ITGA1: variants seen among roughly 807,000 people sequenced by gnomAD.
ITGA1 encodes integrin alpha-1.
Under a neutral mutation model 145.9 loss-of-function variants are expected in ITGA1, and 85 were observed. The observed-to-expected ratio is 0.58, with a 90% CI of 0.49 to 0.70. The LOEUF is 0.70. Ranked by LOEUF, ITGA1 falls within the 30% of genes least tolerant of loss-of-function variation. The probability of loss-of-function intolerance (pLI) is 0.00; values close to 1 mark genes in which losing one functional copy is unlikely to be tolerated. For missense variants in ITGA1, 1,351 were observed against 1,418.7 expected (o/e 0.95, Z 0.77); for synonymous variants, 520 against 495.3 (o/e 1.05, Z -0.66).
rs1027221051 is a variant in ITGA1 at position 52,926,535 on chromosome 5, G to A, written c.2613+1048G>A. 4.6e-4 allele frequency among the ~76,000 whole-genome samples: 70 copies of A among 152,220 alleles called. No homozygotes were observed. The Middle Eastern group carries it at 0.014, about 30-fold the overall frequency. ...GAGAATCACTTGAACCCGGGAGGTG[G>A]AGGTTGCAGTGAGCCGAGATTGCAC... On this transcript the variant is annotated intron_variant, in intron 19 of 28. Coordinates refer to ENST00000282588, the MANE Select transcript of ITGA1 (RefSeq NM_181501.2).
intron 9 of ITGA1, among the ~76,000 whole-genome samples, chr5:52,895,807 A>G (rs537564877): frequency 2.0e-5 from 3 of 152,338 alleles, no homozygotes; most frequent in South Asian, 2.1e-4. Flanking sequence ...AATGTCTTCT[A>G]TATCATCTTT....
intron 6 of ITGA1, among the ~76,000 whole-genome samples, chr5:52,874,725 TA>T (rs931046442): frequency 2.6e-5 from 4 of 151,904 alleles, no homozygotes; most frequent in African/African-American, 7.3e-5. Context: ...TCAAGAGCAA[TA>T]AAAAAAATCA....
At chr5:52,829,842 T>C (rs1191954624) in intron 1 of ITGA1, among the ~76,000 whole-genome samples, 1 of 152,136 alleles carries the variant, frequency 6.6e-6, no homozygotes, top group Non-Finnish European at 1.5e-5. Context: ...ATCAATAATA[T>C]TGGTATTTGG....
rs151187156 is a variant in ITGA1 at position 52,813,493 on chromosome 5, T to C, written c.61+25079T>C. The stretch of plus-strand genomic sequence containing the variant: ...TAATACAAGAAATGAAGAAATTTTC[T>C]GGAAGAAGGCAAAGAGGCTCAGATA... On this transcript the variant is annotated intron_variant, in intron 1 of 28. Transcript: ENST00000282588. Among the ~76,000 whole-genome samples the C allele has an allele frequency of 2.1e-3, 325 of 152,316 alleles. 3 individuals are homozygous for C. Among genetic ancestry groups the C allele is most frequent in the African/African-American group, 7.2e-3 (301 of 41,564 alleles).
At chr5:52,798,436 C>A (rs1238688915) in intron 1 of ITGA1, among the ~76,000 whole-genome samples, 1 of 152,114 alleles carries the variant, frequency 6.6e-6, no homozygotes, top group East Asian at 1.9e-4. Flanking sequence ...AATTGTGAAG[C>A]CTGTCAGTTG....
chr5:52,858,007 TA>T (rs1334495501), intron 2 of ITGA1, among the ~76,000 whole-genome samples: 1 of 152,196 alleles, frequency 6.6e-6, no homozygotes, highest in Non-Finnish European at 1.5e-5. Context: ...AAACCCGAAC[TA>T]AGACAGCTTA....
At position 52,898,409 on chromosome 5, in the gene ITGA1, G is replaced by T. The variant is rs202122639; in HGVS notation, c.1309+26G>T. ...GTAAGGTTTGGATATAATTATAAAA[G>T]AGTTGTTTTACTTTTCCATTTTTTA... On this transcript the variant is annotated intron_variant, in intron 11 of 28. Transcript: ENST00000282588. 3.7e-5 allele frequency: 58 copies of T among 1,555,498 alleles called. No individual in the cohort carries two copies. In the African/African-American group the frequency reaches 7.5e-4, roughly 20 times the overall value.
At chr5:52,790,420 A>G (rs1376924209) in intron 1 of ITGA1, among the ~76,000 whole-genome samples, 2 of 152,306 alleles carry the variant, frequency 1.3e-5, no homozygotes, top group East Asian at 3.9e-4. Context: ...TAAATTTACT[A>G]TTGTACAGTT....
At chr5:52,804,512 C>T (rs1323412863) in intron 1 of ITGA1, among the ~76,000 whole-genome samples, 1 of 152,150 alleles carries the variant, frequency 6.6e-6, no homozygotes. Flanking sequence ...CTCCCAGATG[C>T]CACTAGAGTA....
chr5:52,862,049 C>T (rs754835189), intron 3 of ITGA1, among the ~76,000 whole-genome samples: 8 of 151,584 alleles, frequency 5.3e-5, no homozygotes, highest in Non-Finnish European at 8.8e-5. Context: ...GAAACCCTGC[C>T]TCTACTAAAA....
In ITGA1 at chr5:52,929,663, T is replaced by A. The variant is rs1217484280; in HGVS notation, c.2733T>A (p.Tyr911Ter). 1 of 1,592,516 alleles carries A rather than the reference T, an allele frequency of 6.3e-7. No homozygotes were observed. The highest frequency in any genetic ancestry group is 1.7e-5 in the Admixed American group (1 of 58,824). ...FKILFQFNTS[Y>*]LMENVTIYLS... ...TATTGTTTCAGTTTAACACATCCTA[T>A]CTCATGGAAAATGTGACCATTTATT... The change falls in exon 21 of 29, where the codon TAT becomes TAA. Residue 911 changes from tyrosine (Y) to a stop codon, truncating the protein, a stop_gained. Coordinates refer to ENST00000282588, the MANE Select transcript of ITGA1 (RefSeq NM_181501.2). LOFTEE classifies it high-confidence loss of function.
rs1319601042 is a variant in ITGA1, at chr5:52,939,850, C to T, written c.3191C>T (p.Thr1064Ile). 1 of 1,602,982 alleles carries T rather than the reference C, an allele frequency of 6.2e-7. No individual in the cohort carries two copies. The highest frequency in any genetic ancestry group is 1.3e-5 in the African/African-American group (1 of 74,672). The change falls in exon 26 of 29, where the codon ACA becomes ATA. Residue 1064 changes from threonine to isoleucine, a missense_variant. Transcript: ENST00000282588. ...TGGACATTTAAACAGGACTGCAATA[C>T]ATGTAAATTTGCTACCATCACATGT... ...LKRGTILDCN[T>I]CKFATITCNL... is the part of the protein sequence containing the mutation.
At chr5:52,809,068 G>A (rs1303258656) in intron 1 of ITGA1, among the ~76,000 whole-genome samples, 1 of 152,176 alleles carries the variant, frequency 6.6e-6, no homozygotes, top group African/African-American at 2.4e-5. Flanking sequence ...CAGCATTGCT[G>A]AGACTCAAAC....
chr5:52,802,931 A>ATCTTATTTT (rs1389988840), intron 1 of ITGA1: 1 of 152,212 alleles, frequency 6.6e-6, no homozygotes, highest in African/African-American at 2.4e-5. Context: ...TGAGTTTAAA[A>ATCTTATTTT]TATTATTTTT....
In ITGA1 at chr5:52,939,596, A is replaced by G. The variant is rs186918043; in HGVS notation, c.3085A>G (p.Asn1029Asp). 8.7e-6 allele frequency: 14 copies of G among 1,604,994 alleles called. No homozygotes were observed. In the Admixed American group the frequency reaches 1.7e-4, roughly 19 times the overall value. Residue 1029 changes from asparagine to aspartate, a missense_variant, in exon 25 of 29, where the codon AAC (asparagine) becomes GAC (aspartate). Physicochemically the swap from Asn to Asp is conservative, Grantham distance 23. Coordinates refer to ENST00000282588, the MANE Select transcript of ITGA1 (RefSeq NM_181501.2). ...PTGLSSSENA[N>D]CRPHIFEDPF... is the part of the protein sequence containing the mutation. ...GTAATATTTTCATTTCTAGAATGCA[A>G]ACTGCAGACCCCATATCTTTGAGGA... is the stretch of plus-strand genomic sequence containing the variant.
At chr5:52,889,095 T>C in intron 8 of ITGA1, among the ~76,000 whole-genome samples, 1 of 105,298 alleles carries the variant, frequency 9.5e-6, no homozygotes, top group South Asian at 4.0e-4. Context: ...GTTGCTGCTC[T>C]AAACTACTAT....
At chr5:52,800,682 G>A (rs1748456256) in intron 1 of ITGA1, 1 of 1,614,044 alleles carries the variant, frequency 6.2e-7, no homozygotes, top group Non-Finnish European at 8.5e-7. Context: ...ATGTCAAGAT[G>A]GGGGCTTACC....
intron 2 of ITGA1, among the ~76,000 whole-genome samples, chr5:52,860,892 C>G (rs1424765208): frequency 2.6e-5 from 4 of 152,158 alleles, no homozygotes; most frequent in Non-Finnish European, 5.9e-5. Flanking sequence ...CATAAACTAT[C>G]CTTATTTTCT....
rs1579734480 is a variant in ITGA1 at position 52,944,831 on chromosome 5, A to G, written c.3286-112A>G. 8.4e-6 allele frequency: 6 copies of G among 718,044 alleles called. No individual in the cohort carries two copies. The East Asian group carries it at 1.5e-4, about 18-fold the overall frequency. 44.5% of individuals were successfully genotyped at this position (718,044 alleles called of 1,614,324 possible). A position where few individuals can be genotyped will look rare whatever the true frequency, so the allele number is the denominator to read the frequency against. On this transcript the variant is annotated intron_variant, in intron 26 of 28. Coordinates refer to ENST00000282588, the MANE Select transcript of ITGA1 (RefSeq NM_181501.2). ...CCATTTGGAAGTTAACAAAACTGGA[A>G]TTTTTAATCTCTCAGAAAAATCTTA...
Sources: gnomAD v4.1 joint callset for allele counts (sites outside exome capture counted in the v4.1 genomes callset) on GRCh38, gnomAD v4.1.1 for gene constraint, MANE v1.5 for transcripts, NCBI Gene and HGNC (gene_info 2026-07-23, HGNC 2026-07-21) for gene names.